Variants in GALE observed in about 807,000 individuals in gnomAD.
GALE encodes UDP-galactose-4-epimerase, also known as UDP-glucose 4-epimerase.
In GALE, 32 loss-of-function variants were observed where a neutral mutation model predicts 44.1. That is an observed-to-expected ratio of 0.73 (90% CI 0.55 to 0.97). The LOEUF (loss-of-function observed/expected upper bound fraction) is 0.97, where lower values mean the gene tolerates loss of function less well. Among genes scored for constraint, GALE ranks in the 50% least tolerant of loss-of-function variants. The pLI, the probability that GALE is intolerant of heterozygous loss-of-function variation, is 0.00. For synonymous variants in GALE, 182 were observed against 183.5 expected (o/e 0.99, Z 0.06); for missense variants, 423 against 455.6 (o/e 0.93, Z 0.65).
rs370084467 is a variant in GALE at position 23,796,896 on chromosome 1, T to C, written c.689A>G (p.Tyr230Cys). The change falls in exon 8 of 12, where the codon TAT (tyrosine) becomes TGT (cysteine). Residue 230 changes from tyrosine (Y) to cysteine (C), a missense_variant. Physicochemically the swap from Tyr to Cys is radical, Grantham distance 194. Coordinates refer to ENST00000617979, the MANE Select transcript of GALE (RefSeq NM_001008216.2). The surrounding 1 kb of genome is among the most constrained non-coding windows in gnomAD (Gnocchi z 5.2). ...REALNVFGND[Y>C]DTEDGTGVRD... ...CTCACCTGTGCCATCCTCTGTGTCA[T>C]AGTCATTGCCAAAGACATTCAGGGC... 6.2e-7 allele frequency: 1 copy of C among 1,613,808 alleles called. No individual in the cohort carries two copies. Among genetic ancestry groups the C allele is most frequent in the Admixed American group, 1.7e-5 (1 of 59,984 alleles).
At position 23,798,628 on chromosome 1, in the gene GALE, C is replaced by T. The variant is rs779150200; in HGVS notation, c.224G>A (p.Arg75His). 3.2e-5 allele frequency: 52 copies of T among 1,613,062 alleles called. No individual in the cohort carries two copies. In the South Asian group the frequency reaches 4.0e-4, roughly 12 times the overall value. The change falls in exon 4 of 12, where the codon CGT becomes CAT. Residue 75 changes from arginine to histidine, a missense_variant. Arg to His is a conservative substitution (Grantham distance 29). Coordinates refer to ENST00000617979, the MANE Select transcript of GALE (RefSeq NM_001008216.2). The surrounding 1 kb of genome is among the most constrained non-coding windows in gnomAD (Gnocchi z 4.5). Reference protein sequence around the residue: ...MDILDQGALQRLFKKYSFMAV... With the variant: ...MDILDQGALQHLFKKYSFMAV... ...GCCTGCACCCACCTTTTTGAAGAGA[C>T]GCTGTAGGGCTCCCTGGTCCAAAAT...
In GALE at chr1:23,796,823, CCT is replaced by C. The variant is rs1557478833; in HGVS notation, c.710-43_710-42del. The C allele has an allele frequency of 6.2e-7, 1 of 1,607,788 alleles. No individual in the cohort carries two copies. Among genetic ancestry groups the C allele is most frequent in the Non-Finnish European group, 8.5e-7 (1 of 1,176,776 alleles). On this transcript the variant is annotated intron_variant, in intron 8 of 11. Coordinates refer to ENST00000617979, the MANE Select transcript of GALE (RefSeq NM_001008216.2). This position sits in a 1 kb window ranked among gnomAD's most constrained non-coding sequence, Gnocchi z 5.2. The stretch of plus-strand genomic sequence containing the variant: ...TGTGTTGGATGGGGAGTCTGTTCCC[CCT>C]GACTCTCCTTCCTGGCTCCCACTCC...
At position 23,798,414 on chromosome 1, in the gene GALE, C is replaced by T; in HGVS notation, c.238-184G>A. The T allele has an allele frequency of 1.4e-6, 1 of 698,472 alleles. No homozygotes were observed. Among genetic ancestry groups the T allele is most frequent in the Non-Finnish European group, 2.6e-6 (1 of 391,516 alleles). 43.3% of individuals were successfully genotyped at this position (698,472 alleles called of 1,614,324 possible). Reference sequence around the variant, plus strand: ...CCACCTCCCAGGCTCAAGCCATCCTCCCATGCCAGCCTCCCGAGTAGCTGG... The same window carrying T: ...CCACCTCCCAGGCTCAAGCCATCCTTCCATGCCAGCCTCCCGAGTAGCTGG... On this transcript the variant is annotated intron_variant, in intron 4 of 11. Coordinates refer to ENST00000617979, the MANE Select transcript of GALE (RefSeq NM_001008216.2). The surrounding 1 kb of genome is among the most constrained non-coding windows in gnomAD (Gnocchi z 4.5).
In GALE at chr1:23,796,253, C is replaced by G; in HGVS notation, c.886G>C (p.Val296Leu). ...KASGKKIPYKVVARREGDVAA... is the reference protein window; with the variant it reads ...KASGKKIPYKLVARREGDVAA... The stretch of plus-strand genomic sequence containing the variant: ...ACATCACCTTCCCGCCGTGCCACCA[C>G]CTTGTACGGGATCTGCAAGACAGGA... Residue 296 changes from valine to leucine, a missense_variant, in exon 11 of 12, where the codon GTG becomes CTG. Physicochemically the swap from Val to Leu is conservative, Grantham distance 32. Coordinates refer to ENST00000617979, the MANE Select transcript of GALE (RefSeq NM_001008216.2). This position sits in a 1 kb window ranked among gnomAD's most constrained non-coding sequence, Gnocchi z 5.2. The G allele has an allele frequency of 1.2e-6, 2 of 1,614,106 alleles. No homozygotes were observed. Among genetic ancestry groups the G allele is most frequent in the Non-Finnish European group, 1.7e-6 (2 of 1,179,966 alleles).
Position 23,798,977 on chromosome 1 carries a change from C to A in GALE, c.31G>T (p.Ala11Ser), listed in dbSNP as rs754850112. 5 of 1,614,094 alleles carry A rather than the reference C, an allele frequency of 3.1e-6. No homozygotes were observed. The highest frequency in any genetic ancestry group is 3.3e-5 in the Admixed American group (2 of 60,012). The change falls in exon 3 of 12, where the codon GCT (alanine) becomes TCT (serine). Residue 11 changes from alanine (A) to serine (S), a missense_variant. By Grantham distance (99) the Ala-to-Ser change is moderately conservative (BLOSUM62 1). Coordinates refer to ENST00000617979, the MANE Select transcript of GALE (RefSeq NM_001008216.2). The surrounding 1 kb of genome is among the most constrained non-coding windows in gnomAD (Gnocchi z 4.5). ...ACCGTGTGGCTGCCAATGTAGCCAG[C>A]CCCACCTGTTACCAGCACCTTCTCT... MAEKVLVTGG[A>S]GYIGSHTVLE... is the part of the protein sequence containing the mutation.
At chr1:23,797,189 A>AGC (rs1384706342) in intron 6 of GALE, 42 bp from the exon 7 acceptor site, 2 of 1,380,660 alleles carry the variant, frequency 1.4e-6, no homozygotes, top group East Asian at 4.7e-5. Context: ...AGGCACAGGC[A>AGC]GCGTGTCCCA....
In GALE at chr1:23,795,755, T is replaced by C; in HGVS notation, c.*194A>G. The C allele has an allele frequency of 1.6e-6, 1 of 627,400 alleles. No individual in the cohort carries two copies. The highest frequency in any genetic ancestry group is 2.9e-6 in the Non-Finnish European group (1 of 348,722). 38.9% of individuals were successfully genotyped at this position (627,400 alleles called of 1,614,324 possible). On this transcript the variant is annotated 3_prime_UTR_variant, in exon 12 of 12. Transcript: ENST00000617979. ...ATGAACTCTTGGACCCTGTGGAAGA[T>C]AAGAGTTAGAGACCTCGGCCTCCTG...
rs1264309536 is a variant in GALE at position 23,798,171 on chromosome 1, C to T, written c.297G>A (p.Gln99=). 1 of 1,614,046 alleles carries T rather than the reference C, an allele frequency of 6.2e-7. No individual in the cohort carries two copies. Among genetic ancestry groups the T allele is most frequent in the African/African-American group, 1.3e-5 (1 of 74,944 alleles). Residue 99 remains glutamine (Q), a synonymous_variant, in exon 5 of 12, where the codon CAG becomes CAA. Transcript: ENST00000617979. This position sits in a 1 kb window ranked among gnomAD's most constrained non-coding sequence, Gnocchi z 4.5. Reference sequence around the variant, plus strand: ...TAACTCTGTAATAATCCAGAGGCTTCTGCACCGACTCGCCCACGGCCTTGA... The same window carrying T: ...TAACTCTGTAATAATCCAGAGGCTTTTGCACCGACTCGCCCACGGCCTTGA... ...AGLKAVGESV[Q]KPLDYYRVNL... is the part of the protein sequence containing the mutation.
chr1:23,800,425 C>T (rs1428303076), intron 1 of GALE: 1 of 152,574 alleles, frequency 6.6e-6, no homozygotes, highest in Non-Finnish European at 1.5e-5. Context: ...CCCAGTCTGT[C>T]TGTTGGAGGG....
rs762637068 is a variant in GALE, at chr1:23,798,907, T to TTA, written c.99_100dup (p.Asn34IlefsTer23). ...CTCACCACGGAAGGCATTATGGAAG[T>TTA]TATCGATGACCACAGGCAAGTAGCC... On this transcript the variant is annotated frameshift_variant, in exon 3 of 12. Transcript: ENST00000617979. LOFTEE classifies it high-confidence loss of function. The surrounding 1 kb of genome is among the most constrained non-coding windows in gnomAD (Gnocchi z 4.5). 3.7e-6 allele frequency: 6 copies of TTA among 1,614,168 alleles called. No individual in the cohort carries two copies. In the East Asian group the frequency reaches 1.3e-4, roughly 36 times the overall value.
In GALE at chr1:23,797,058, G is replaced by A. The variant is rs1408258669; in HGVS notation, c.618C>T (p.Asn206=). ...CIGEDPQGIP[N]NLMPYVSQVA... is the part of the protein sequence containing the mutation. ...CCTGGGAGACATAAGGCATGAGGTT[G>A]TTGGGTATGCCCTGGGGATCCTCAC... Residue 206 remains asparagine (N), a synonymous_variant, in exon 7 of 12, where the codon AAC becomes AAT. Coordinates refer to ENST00000617979, the MANE Select transcript of GALE (RefSeq NM_001008216.2). The A allele has an allele frequency of 1.9e-6, 3 of 1,613,720 alleles. No homozygotes were observed. Among genetic ancestry groups the A allele is most frequent in the South Asian group, 2.2e-5 (2 of 90,942 alleles).
rs1186122359 is a variant in GALE at position 23,798,589 on chromosome 1, A to C, written c.237+26T>G. On this transcript the variant is annotated intron_variant, in intron 4 of 11. Coordinates refer to ENST00000617979, the MANE Select transcript of GALE (RefSeq NM_001008216.2). The surrounding 1 kb of genome is among the most constrained non-coding windows in gnomAD (Gnocchi z 4.5). ...CCAAAGTGCTGGAATTACAGGCGTG[A>C]GCCACCGTGCCCAGCCTGCACCCAC... The C allele has an allele frequency of 1.3e-6, 2 of 1,525,248 alleles. No individual in the cohort carries two copies. Among genetic ancestry groups the C allele is most frequent in the Non-Finnish European group, 1.8e-6 (2 of 1,099,690 alleles). 94.5% of individuals were successfully genotyped at this position (1,525,248 alleles called of 1,614,324 possible).
chr1:23,795,859 G>T lies in GALE; in HGVS notation c.*90C>A. The T allele has an allele frequency of 7.5e-7, 1 of 1,332,528 alleles. No individual in the cohort carries two copies. The highest frequency in any genetic ancestry group is 1.1e-6 in the Non-Finnish European group (1 of 935,640). 82.5% of individuals were successfully genotyped at this position (1,332,528 alleles called of 1,614,324 possible). A position where few individuals can be genotyped will look rare whatever the true frequency, so the allele number is the denominator to read the frequency against. On this transcript the variant is annotated 3_prime_UTR_variant, in exon 12 of 12. Coordinates refer to ENST00000617979, the MANE Select transcript of GALE (RefSeq NM_001008216.2). Reference sequence around the variant, plus strand: ...TTTGAGGTAGGGGAGGCCTTGGCTTGGCCCCAGCAGCTCCAGGGCCCTGAG... The same window carrying T: ...TTTGAGGTAGGGGAGGCCTTGGCTTTGCCCCAGCAGCTCCAGGGCCCTGAG...
In GALE at chr1:23,795,719, T is replaced by TG; in HGVS notation, c.*229dup. ...AGAGCCTTGCCCCCTCACTCACTCT[T>TG]GGGGGTCCTGATGAACTCTTGGACC... On this transcript the variant is annotated 3_prime_UTR_variant, in exon 12 of 12. Transcript: ENST00000617979. The TG allele has an allele frequency of 3.3e-6, 2 of 601,514 alleles. No homozygotes were observed. The highest frequency in any genetic ancestry group is 5.9e-6 in the Non-Finnish European group (2 of 336,384). The allele number at this position is 601,514 out of a possible 1,614,324, so 37.3% of individuals were successfully genotyped here.
chr1:23,800,736 C>G lies in GALE; in HGVS notation c.-101G>C, dbSNP rs971501080. The stretch of plus-strand genomic sequence containing the variant: ...CCTGCTCGGGTTCCCGCGCCCCACG[C>G]TTGCTGCAGAGGCACCGCCTCCTAC... On this transcript the variant is annotated 5_prime_UTR_variant, in exon 1 of 12. Transcript: ENST00000617979. 2 of 152,264 alleles carry G rather than the reference C, an allele frequency of 1.3e-5. No individual in the cohort carries two copies. The highest frequency in any genetic ancestry group is 4.8e-5 in the African/African-American group (2 of 41,460). The allele number at this position is 152,264 out of a possible 1,614,324, so 9.4% of individuals were successfully genotyped here.
rs749469333 is a variant in GALE at position 23,797,043 on chromosome 1, A to T, written c.633T>A (p.Tyr211Ter). ...TTCCCTTTTGCCTTACCTGGGAGAC[A>T]TAAGGCATGAGGTTGTTGGGTATGC... The part of the protein sequence containing the change: ...PQGIPNNLMP[Y>*]VSQVAIGRRE... The change falls in exon 7 of 12, where the codon TAT becomes TAA. Residue 211 changes from tyrosine (Y) to a stop codon, truncating the protein, a stop_gained. Coordinates refer to ENST00000617979, the MANE Select transcript of GALE (RefSeq NM_001008216.2). LOFTEE classifies it high-confidence loss of function. 1 of 1,613,016 alleles carries T rather than the reference A, an allele frequency of 6.2e-7. No individual in the cohort carries two copies. The highest frequency in any genetic ancestry group is 1.1e-5 in the South Asian group (1 of 90,856).
chr1:23,795,762 TA>T lies in GALE; in HGVS notation c.*186del, dbSNP rs1638926180. On this transcript the variant is annotated 3_prime_UTR_variant, in exon 12 of 12. Coordinates refer to ENST00000617979, the MANE Select transcript of GALE (RefSeq NM_001008216.2). ...CTTGGACCCTGTGGAAGATAAGAGT[TA>T]GAGACCTCGGCCTCCTGGTCAGTGG... 4 of 639,854 alleles carry T rather than the reference TA, an allele frequency of 6.3e-6. No individual in the cohort carries two copies. Among genetic ancestry groups the T allele is most frequent in the East Asian group, 5.4e-5 (2 of 36,774 alleles). The allele number at this position is 639,854 out of a possible 1,614,324, so 39.6% of individuals were successfully genotyped here. A position where few individuals can be genotyped will look rare whatever the true frequency, so the allele number is the denominator to read the frequency against.
chr1:23,798,792 C>A lies in GALE; in HGVS notation c.122-62G>T. On this transcript the variant is annotated intron_variant, in intron 3 of 11. Coordinates refer to ENST00000617979, the MANE Select transcript of GALE (RefSeq NM_001008216.2). This position sits in a 1 kb window ranked among gnomAD's most constrained non-coding sequence, Gnocchi z 4.5. ...GGGGTGCTGTGTTCCCAGGGACTAG[C>A]CAGACACACATTCCCCGCCCGGTGG... 3 of 1,609,784 alleles carry A rather than the reference C, an allele frequency of 1.9e-6. No homozygotes were observed. Among genetic ancestry groups the A allele is most frequent in the Non-Finnish European group, 8.5e-7 (1 of 1,176,006 alleles).
At chr1:23,797,964 G>A in intron 5 of GALE, 93 bp from the exon 6 acceptor site, 1 of 1,415,540 alleles carries the variant, frequency 7.1e-7, no homozygotes, top group South Asian at 1.2e-5. Context: ...GAGGTGATGA[G>A]CACTCTCATT....
Sources: gnomAD v4.1 joint callset for allele counts on GRCh38, gnomAD v4.1.1 for gene constraint, Gnocchi (gnomAD v3.1) non-coding constraint, MANE v1.5 for transcripts, NCBI Gene and HGNC (gene_info 2026-07-23, HGNC 2026-07-21) for gene names.